Variants in CLIC4 observed in about 807,000 individuals in gnomAD.
CLIC4 encodes the protein chloride intracellular channel protein 4.
In CLIC4, 13 loss-of-function variants were observed where a neutral mutation model predicts 24.6. That is an observed-to-expected ratio of 0.53 (90% CI 0.34 to 0.84). The LOEUF (loss-of-function observed/expected upper bound fraction) is 0.84, where lower values mean the gene tolerates loss of function less well. Among genes scored for constraint, CLIC4 ranks in the 40% least tolerant of loss-of-function variants. The probability of loss-of-function intolerance (pLI) is 0.01; values close to 1 mark genes in which losing one functional copy is unlikely to be tolerated. For missense variants in CLIC4, 227 were observed against 301.7 expected, an observed-to-expected ratio of 0.75 and a Z score of 1.83; for synonymous variants, 104 against 111.3, an observed-to-expected ratio of 0.93 and a Z score of 0.41.
intron 4 of CLIC4, among the ~76,000 whole-genome samples, chr1:24,835,827 G>T (rs1225058748): frequency 6.6e-6 from 1 of 152,104 alleles, no homozygotes; most frequent in Non-Finnish European, 1.5e-5. Context: ...ACACAGAACA[G>T]GTGGACAAAT....
At chr1:24,783,368 T>G (rs912501749) in intron 1 of CLIC4, among the ~76,000 whole-genome samples, 1 of 152,040 alleles carries the variant, frequency 6.6e-6, no homozygotes, top group South Asian at 2.1e-4. Context: ...CTTTTTTTTT[T>G]CCCCTGACAC....
At position 24,840,965 on chromosome 1, in the gene CLIC4, A is replaced by G; in HGVS notation, c.*28A>G. The G allele has an allele frequency of 1.3e-6, 2 of 1,572,586 alleles. No homozygotes were observed. The highest frequency in any genetic ancestry group is 1.2e-5 in the South Asian group (1 of 84,520). ...TCGCGTTTGTAAAAGAGATGTCTTC[A>G]TGTCTTCCCCTAAGAATACGCTTTT... On this transcript the variant is annotated 3_prime_UTR_variant, in exon 6 of 6. Transcript: ENST00000374379.
At chr1:24,780,548 A>G (rs1490057344) in intron 1 of CLIC4, among the ~76,000 whole-genome samples, 1 of 152,148 alleles carries the variant, frequency 6.6e-6, no homozygotes, top group African/African-American at 2.4e-5. Context: ...CTTTATGTCT[A>G]AGAGGTCTTC....
chr1:24,789,668 C>A (rs1051337910), intron 1 of CLIC4, among the ~76,000 whole-genome samples: 2 of 152,080 alleles, frequency 1.3e-5, no homozygotes, highest in Non-Finnish European at 2.9e-5. Context: ...AACCCATCTA[C>A]TGAGTTTTTA....
chr1:24,797,186 G>C (rs945874392), intron 1 of CLIC4, among the ~76,000 whole-genome samples: 1 of 151,132 alleles, frequency 6.6e-6, no homozygotes. Flanking sequence ...ACTCCTGACC[G>C]TGTGATCCAC....
chr1:24,805,831 C>G (rs1639544444), intron 2 of CLIC4, among the ~76,000 whole-genome samples: 1 of 152,166 alleles, frequency 6.6e-6, no homozygotes, highest in South Asian at 2.1e-4. Flanking sequence ...CCACTCAAGT[C>G]TCTTAAAATA....
intron 2 of CLIC4, among the ~76,000 whole-genome samples, chr1:24,804,019 T>C (rs1207541752): frequency 6.6e-6 from 1 of 152,216 alleles, no homozygotes; most frequent in African/African-American, 2.4e-5. Flanking sequence ...GATTCCCAAA[T>C]AGACTCTTCA....
At chr1:24,820,065 A>AGG (rs1639711462) in intron 3 of CLIC4, among the ~76,000 whole-genome samples, 2 of 23,388 alleles carry the variant, frequency 8.6e-5, no homozygotes, top group Non-Finnish European at 1.6e-4. Flanking sequence ...AAAAAAAAGT[A>AGG]TGTATATATA....
chr1:24,778,909 C>G (rs1639172976), intron 1 of CLIC4, among the ~76,000 whole-genome samples: 1 of 152,106 alleles, frequency 6.6e-6, no homozygotes, highest in South Asian at 2.1e-4. Context: ...ATACTTCAAG[C>G]AAGTAACAAA....
At chr1:24,766,573 A>G (rs1389806484) in intron 1 of CLIC4, among the ~76,000 whole-genome samples, 2 of 131,506 alleles carry the variant, frequency 1.5e-5, no homozygotes, top group Non-Finnish European at 3.1e-5. Flanking sequence ...GCACAATCTC[A>G]GCTCACTGCA....
At chr1:24,810,199 G>T (rs1226015993) in intron 2 of CLIC4, among the ~76,000 whole-genome samples, 1 of 152,064 alleles carries the variant, frequency 6.6e-6, no homozygotes, top group Admixed American at 6.5e-5. Flanking sequence ...ATACAATTTG[G>T]GATTTCCCTG....
intron 1 of CLIC4, among the ~76,000 whole-genome samples, chr1:24,763,337 C>T (rs997628958): frequency 6.6e-6 from 1 of 151,698 alleles, no homozygotes; most frequent in African/African-American, 2.4e-5. Flanking sequence ...GTCGGGAGTT[C>T]GAGACCAGCC....
In CLIC4 at chr1:24,843,397, A is replaced by C. The variant is rs1639962582; in HGVS notation, c.*2460A>C. 1 of 152,208 alleles carries C rather than the reference A, an allele frequency of 6.6e-6. No homozygotes were observed. The highest frequency in any genetic ancestry group is 1.9e-4 in the East Asian group (1 of 5,204). The allele number at this position is 152,208 out of a possible 1,614,324, so 9.4% of individuals were successfully genotyped here. A position where few individuals can be genotyped will look rare whatever the true frequency, so the allele number is the denominator to read the frequency against. ...GTATATGAATTGCCATAATGGAAAT[A>C]ATCTGATTTTATTTTTACAACTAAC... On this transcript the variant is annotated 3_prime_UTR_variant, in exon 6 of 6. Coordinates refer to ENST00000374379, the MANE Select transcript of CLIC4 (RefSeq NM_013943.3).
rs1639068290 is a variant in CLIC4, at chr1:24,771,300, T to A, written c.72+25675T>A. 3.3e-5 allele frequency among the ~76,000 whole-genome samples: 5 copies of A among 152,348 alleles called. No homozygotes were observed. In the South Asian group the frequency reaches 1.0e-3, roughly 32 times the overall value. ...TCTGAATCCTTCTCTGACCATGTTG[T>A]TCCCTTAGCAGAACTACTCTTTCCT... On this transcript the variant is annotated intron_variant, in intron 1 of 5. Coordinates refer to ENST00000374379, the MANE Select transcript of CLIC4 (RefSeq NM_013943.3).
intron 2 of CLIC4, among the ~76,000 whole-genome samples, chr1:24,800,586 T>C (rs933697282): frequency 7.2e-5 from 11 of 152,142 alleles, no homozygotes; most frequent in Admixed American, 1.3e-4. Flanking sequence ...TCATTGAGAA[T>C]GGGCCAGGAT....
chr1:24,769,336 G>A (rs1639045361), intron 1 of CLIC4, among the ~76,000 whole-genome samples: 1 of 152,162 alleles, frequency 6.6e-6, no homozygotes, highest in Non-Finnish European at 1.5e-5. Context: ...AGCATTGGGT[G>A]CTTACTATGG....
intron 2 of CLIC4, among the ~76,000 whole-genome samples, chr1:24,811,859 C>T (rs544290419): frequency 6.6e-6 from 1 of 152,188 alleles, no homozygotes; most frequent in Non-Finnish European, 1.5e-5. Context: ...CACACCATAT[C>T]TGGTCATCTC....
rs1638954371 is a variant in CLIC4, at chr1:24,763,502, T to A, written c.72+17877T>A. 2.3e-5 allele frequency among the ~76,000 whole-genome samples: 3 copies of A among 129,324 alleles called. No homozygotes were observed. In the South Asian group the frequency reaches 7.2e-4, roughly 31 times the overall value. The allele number at this position is 129,324 out of a possible 152,430, so 84.8% of individuals were successfully genotyped here. A position where few individuals can be genotyped will look rare whatever the true frequency, so the allele number is the denominator to read the frequency against. On this transcript the variant is annotated intron_variant, in intron 1 of 5. Transcript: ENST00000374379. ...TTGCAGTGAATCGAAATCATGCCAC[T>A]GCACTCCATGACAGAGTGAGACTCC...
chr1:24,840,236 A>G (rs1639928561), intron 5 of CLIC4, among the ~76,000 whole-genome samples, 195 bp downstream of exon 5: 1 of 152,260 alleles, frequency 6.6e-6, no homozygotes, highest in South Asian at 2.1e-4. Context: ...AATATAAGAA[A>G]GATGAATATT....
Sources: gnomAD v4.1 joint callset for allele counts (sites outside exome capture counted in the v4.1 genomes callset) on GRCh38, gnomAD v4.1.1 for gene constraint, MANE v1.5 for transcripts, NCBI Gene and HGNC (gene_info 2026-07-23, HGNC 2026-07-21) for gene names.